Variants in ANKS1B observed in about 807,000 individuals in gnomAD.
ANKS1B encodes ankyrin repeat and sterile alpha motif domain containing 1B.
A neutral mutation model predicts 148.3 loss-of-function variants in ANKS1B; 36 were observed. The ratio of observed to expected loss-of-function variants is 0.24; its 90% CI spans 0.19 to 0.32. The LOEUF (loss-of-function observed/expected upper bound fraction) is 0.32, where lower values mean the gene tolerates loss of function less well. Ranked by LOEUF, ANKS1B falls within the 10% of genes least tolerant of loss-of-function variation. ANKS1B has a pLI of 1.00. For missense variants in ANKS1B, 1,157 were observed against 1,542.6 expected (o/e 0.75, Z 4.19); for synonymous variants, 542 against 560.8 (o/e 0.97, Z 0.47).
intron 1 of ANKS1B, among the ~76,000 whole-genome samples, chr12:99,861,302 A>C (rs912023996): frequency 3.3e-5 from 5 of 152,232 alleles, no homozygotes; most frequent in African/African-American, 1.2e-4. Flanking sequence ...CTTTTCATAT[A>C]ATCACATGAA....
At chr12:99,034,765 C>T (rs1389712022) in intron 17 of ANKS1B, among the ~76,000 whole-genome samples, 1 of 152,188 alleles carries the variant, frequency 6.6e-6, no homozygotes, top group Non-Finnish European at 1.5e-5. Flanking sequence ...TGAGTGCATT[C>T]ATTCATATGT....
intron 8 of ANKS1B, among the ~76,000 whole-genome samples, chr12:99,705,003 G>A (rs2055500742): frequency 6.6e-6 from 1 of 152,046 alleles, no homozygotes; most frequent in Admixed American, 6.6e-5. Context: ...TGACTAAGCA[G>A]ACTTGAGAAC....
At chr12:98,995,478 C>T (rs1002576001) in intron 17 of ANKS1B, among the ~76,000 whole-genome samples, 20 of 151,920 alleles carry the variant, frequency 1.3e-4, no homozygotes, top group South Asian at 4.2e-4. Flanking sequence ...TGTGTAAGAA[C>T]GCTAAATGAC....
At chr12:99,467,950 T>C (rs991574416) in intron 10 of ANKS1B, among the ~76,000 whole-genome samples, 1 of 152,128 alleles carries the variant, frequency 6.6e-6, no homozygotes, top group Non-Finnish European at 1.5e-5. Flanking sequence ...TTAAAGTTCA[T>C]ATGGAAGCAA....
chr12:98,888,749 C>T lies in ANKS1B; in HGVS notation c.2779-56613G>A, dbSNP rs183966522. Among the ~76,000 whole-genome samples the T allele has an allele frequency of 1.5e-4, 23 of 152,290 alleles. No individual in the cohort carries two copies. In the East Asian group the frequency reaches 2.7e-3, roughly 18 times the overall value. ...GGAGGGCCACCTTCTCAGGGATACC[C>T]CCAAATTTTCTAATTTCTCCCTCCA... On this transcript the variant is annotated intron_variant, in intron 17 of 26. Coordinates refer to ENST00000683438, the MANE Select transcript of ANKS1B (RefSeq NM_001352186.2).
chr12:98,941,817 G>A (rs1400506474), intron 17 of ANKS1B, among the ~76,000 whole-genome samples: 1 of 152,176 alleles, frequency 6.6e-6, no homozygotes, highest in Non-Finnish European at 1.5e-5. Context: ...ATGGCAAAAT[G>A]TGATGGGCAG....
chr12:99,680,546 G>C (rs899379770), intron 8 of ANKS1B, among the ~76,000 whole-genome samples: 1 of 152,318 alleles, frequency 6.6e-6, no homozygotes, highest in East Asian at 1.9e-4. Context: ...AAGTGGAACT[G>C]GGGAAGGACC....
chr12:99,088,218 G>C (rs1459439663), intron 15 of ANKS1B, among the ~76,000 whole-genome samples: 8 of 152,122 alleles, frequency 5.3e-5, no homozygotes, highest in Non-Finnish European at 1.5e-5. Flanking sequence ...ATAATACATA[G>C]GGATGCCAAA....
At chr12:99,383,531 C>T (rs1177281731) in intron 12 of ANKS1B, among the ~76,000 whole-genome samples, 1 of 152,172 alleles carries the variant, frequency 6.6e-6, no homozygotes, top group African/African-American at 2.4e-5. Context: ...GCCAAACCTG[C>T]CACTGTTTGG....
chr12:99,975,841 ATTGC>A (rs2095620935), intron 1 of ANKS1B, among the ~76,000 whole-genome samples: 1 of 152,196 alleles, frequency 6.6e-6, no homozygotes, highest in South Asian at 2.1e-4. Flanking sequence ...CAGCAATCCC[ATTGC>A]TGTGTATATA....
intron 14 of ANKS1B, among the ~76,000 whole-genome samples, chr12:99,208,487 T>G (rs571284710): frequency 6.6e-6 from 1 of 152,304 alleles, no homozygotes; most frequent in Admixed American, 6.5e-5. Flanking sequence ...TAGTTAGGCT[T>G]ATTTCATATG....
rs34960410 is a variant in ANKS1B, at chr12:99,714,964, C to CAA, written c.1128+57956_1128+57957dup. 4.6e-4 allele frequency among the ~76,000 whole-genome samples: 57 copies of CAA among 124,376 alleles called. No homozygotes were observed. In the East Asian group the frequency reaches 5.2e-3, roughly 11 times the overall value. 81.6% of individuals were successfully genotyped at this position (124,376 alleles called of 152,430 possible). On this transcript the variant is annotated intron_variant, in intron 8 of 26. Coordinates refer to ENST00000683438, the MANE Select transcript of ANKS1B (RefSeq NM_001352186.2). ...TGAAATCCCATCTCTATTAAAAATA[C>CAA]AAAAAAAAAAAAAAATTAGCTGGGC...
At chr12:99,436,421 A>G (rs1380681562) in intron 11 of ANKS1B, among the ~76,000 whole-genome samples, 2 of 152,068 alleles carry the variant, frequency 1.3e-5, no homozygotes, top group African/African-American at 4.8e-5. Flanking sequence ...ACTCAATAAT[A>G]AAAATATTTT....
At chr12:99,920,201 A>G (rs989913387) in intron 1 of ANKS1B, among the ~76,000 whole-genome samples, 15 of 152,162 alleles carry the variant, frequency 9.9e-5, no homozygotes, top group African/African-American at 3.6e-4. Flanking sequence ...TGCCACAAAT[A>G]GTCTTTAAAT....
intron 17 of ANKS1B, among the ~76,000 whole-genome samples, chr12:98,842,960 G>A (rs1376280571): frequency 2.0e-5 from 3 of 152,184 alleles, no homozygotes; most frequent in African/African-American, 7.2e-5. Flanking sequence ...AAATGTTTAT[G>A]CTTTCTAAGT....
intron 9 of ANKS1B, among the ~76,000 whole-genome samples, chr12:99,636,938 A>G (rs1235322456): frequency 6.6e-6 from 1 of 152,226 alleles, no homozygotes; most frequent in South Asian, 2.1e-4. Flanking sequence ...GAAAAAATAC[A>G]ATTGCCTCAA....
chr12:99,532,625 G>A (rs367741442), intron 9 of ANKS1B, among the ~76,000 whole-genome samples: 1 of 152,284 alleles, frequency 6.6e-6, no homozygotes, highest in South Asian at 2.1e-4. Flanking sequence ...CTCCCAAAGT[G>A]CTGGGATTAC....
chr12:99,650,902 G>GAGAACCC (rs112913918), intron 9 of ANKS1B, among the ~76,000 whole-genome samples: 34 of 151,320 alleles, frequency 2.2e-4, no homozygotes, highest in Non-Finnish European at 4.7e-4. Flanking sequence ...CACATGGTTT[G>GAGAACCC]AGAACCAGAA....
At chr12:99,442,767 G>C (rs2095570914) in intron 11 of ANKS1B, among the ~76,000 whole-genome samples, 1 of 151,828 alleles carries the variant, frequency 6.6e-6, no homozygotes, top group South Asian at 2.1e-4. Flanking sequence ...AACAAATCTT[G>C]CTTATTTAGA....
Sources: allele counts gnomAD v4.1 joint callset (sites outside exome capture counted in the v4.1 genomes callset), GRCh38; gene constraint gnomAD v4.1.1; transcripts MANE v1.5; gene names NCBI Gene and HGNC (gene_info 2026-07-23, HGNC 2026-07-21).